CTNNA3: variants seen among roughly 807,000 people sequenced by gnomAD.
CTNNA3 encodes the protein catenin alpha 3.
A neutral mutation model predicts 95.7 loss-of-function variants in CTNNA3; 76 were observed. The ratio of observed to expected loss-of-function variants is 0.79; its 90% CI spans 0.66 to 0.96. The LOEUF is 0.96. Among genes scored for constraint, CTNNA3 ranks in the 40% least tolerant of loss-of-function variants. The pLI is 0.00. For synonymous variants in CTNNA3, 431 were observed against 374.4 expected, an observed-to-expected ratio of 1.15 and a Z score of -1.74; for missense variants, 1,191 against 1,089.8, an observed-to-expected ratio of 1.09 and a Z score of -1.31.
chr10:66,561,970 A>C (rs1017247771), intron 10 of CTNNA3, among the ~76,000 whole-genome samples: 1 of 152,098 alleles, frequency 6.6e-6, no homozygotes, highest in Non-Finnish European at 1.5e-5. Context: ...CGAGTACCAC[A>C]TATGAGATGG....
chr10:66,943,337 T>A (rs767707620), intron 7 of CTNNA3, among the ~76,000 whole-genome samples: 53 of 151,976 alleles, frequency 3.5e-4, no homozygotes, highest in Non-Finnish European at 6.0e-4. Context: ...CTTATTAGAT[T>A]TTTTTTTACA....
intron 11 of CTNNA3, among the ~76,000 whole-genome samples, chr10:66,471,753 T>A (rs1178543546): frequency 6.6e-6 from 1 of 151,860 alleles, no homozygotes; most frequent in African/African-American, 2.4e-5. Flanking sequence ...TAAATTTTGG[T>A]TGTTTTTATT....
At chr10:67,167,896 G>A (rs539496524) in intron 7 of CTNNA3, among the ~76,000 whole-genome samples, 8 of 152,128 alleles carry the variant, frequency 5.3e-5, no homozygotes, top group Non-Finnish European at 1.2e-4. Flanking sequence ...AGTTTGGAAG[G>A]CCAAGGCAGG....
chr10:66,015,789 C>G (rs2079083756), intron 15 of CTNNA3, among the ~76,000 whole-genome samples: 1 of 152,056 alleles, frequency 6.6e-6, no homozygotes, highest in Non-Finnish European at 1.5e-5. Flanking sequence ...GTTCATTCAC[C>G]ATACTTAACA....
At chr10:66,466,337 T>TACACACACACACAC (rs1838911491) in intron 11 of CTNNA3, among the ~76,000 whole-genome samples, 1 of 74,678 alleles carries the variant, frequency 1.3e-5, no homozygotes, top group East Asian at 1.4e-3. Context: ...CGCACCCACC[T>TACACACACACACAC]ATACACACAC....
At chr10:66,233,033 G>T (rs534555148) in intron 13 of CTNNA3, among the ~76,000 whole-genome samples, 1 of 151,700 alleles carries the variant, frequency 6.6e-6, no homozygotes, top group African/African-American at 2.4e-5. Context: ...GGTGGTGTGC[G>T]CCTGTAGTCC....
intron 7 of CTNNA3, among the ~76,000 whole-genome samples, chr10:67,031,026 A>C (rs1206992306): frequency 6.6e-6 from 1 of 152,022 alleles, no homozygotes; most frequent in Non-Finnish European, 1.5e-5. Flanking sequence ...TAAATAAATA[A>C]ATAACTTAGC....
intron 12 of CTNNA3, among the ~76,000 whole-genome samples, chr10:66,330,093 G>A (rs1358504844): frequency 6.6e-6 from 1 of 151,954 alleles, no homozygotes; most frequent in Non-Finnish European, 1.5e-5. Flanking sequence ...TATACTGTAA[G>A]TTTTAGGGTA....
chr10:66,888,398 C>T (rs1458242013), intron 7 of CTNNA3, among the ~76,000 whole-genome samples: 3 of 152,188 alleles, frequency 2.0e-5, no homozygotes, highest in African/African-American at 7.2e-5. Context: ...CCATGCTGAA[C>T]TTCTGACATA....
chr10:66,636,899 T>C (rs1443213969), intron 9 of CTNNA3, among the ~76,000 whole-genome samples: 1 of 152,180 alleles, frequency 6.6e-6, no homozygotes, highest in Non-Finnish European at 1.5e-5. Context: ...TAAATGACAG[T>C]GTATACTATG....
intron 3 of CTNNA3, among the ~76,000 whole-genome samples, chr10:67,601,178 T>C (rs1174740878): frequency 1.3e-5 from 2 of 152,206 alleles, no homozygotes; most frequent in African/African-American, 4.8e-5. Flanking sequence ...ATAAACCATT[T>C]AAAACATTAA....
At chr10:67,164,701 C>CA (rs1231604520) in intron 7 of CTNNA3, among the ~76,000 whole-genome samples, 4 of 151,936 alleles carry the variant, frequency 2.6e-5, no homozygotes, top group Non-Finnish European at 1.5e-5. Context: ...AACTACTATA[C>CA]AAAAAATCCT....
intron 17 of CTNNA3, among the ~76,000 whole-genome samples, chr10:65,963,446 C>G (rs559737444): frequency 6.6e-6 from 1 of 152,156 alleles, no homozygotes; most frequent in African/African-American, 2.4e-5. Flanking sequence ...TACTTATTAA[C>G]CAAGGCCCAA....
intron 5 of CTNNA3, among the ~76,000 whole-genome samples, chr10:67,314,130 C>T (rs1403418081): frequency 6.6e-6 from 1 of 152,152 alleles, no homozygotes; most frequent in East Asian, 1.9e-4. Flanking sequence ...AATCATAGAC[C>T]GTTAGTTCCT....
chr10:66,316,587 C>G (rs2092103680), intron 12 of CTNNA3, among the ~76,000 whole-genome samples: 2 of 151,880 alleles, frequency 1.3e-5, no homozygotes, highest in South Asian at 2.1e-4. Flanking sequence ...TGTAGACAAG[C>G]CAGTTAACCT....
At chr10:66,007,144 A>T (rs1353526500) in intron 15 of CTNNA3, among the ~76,000 whole-genome samples, 1 of 152,184 alleles carries the variant, frequency 6.6e-6, no homozygotes, top group Non-Finnish European at 1.5e-5. Context: ...TGAGTTATGC[A>T]GCTAGTTTTC....
intron 2 of CTNNA3, among the ~76,000 whole-genome samples, chr10:67,646,386 T>G (rs74142870): frequency 6.6e-6 from 1 of 151,918 alleles, no homozygotes; most frequent in East Asian, 1.9e-4. Context: ...TCCACAGTCA[T>G]CTAGTATAAA....
chr10:67,376,336 G>T (rs2132717603), intron 5 of CTNNA3, among the ~76,000 whole-genome samples: 1 of 152,300 alleles, frequency 6.6e-6, no homozygotes. Context: ...AGCTTCCTTA[G>T]ACTTCATAGT....
chr10:66,316,286 T>C lies in CTNNA3; in HGVS notation c.1733-35665A>G, dbSNP rs374414137. Among the ~76,000 whole-genome samples, 62 of 152,250 alleles carry C rather than the reference T, an allele frequency of 4.1e-4. 1 individual carries two copies. The South Asian group carries it at 0.012, about 31-fold the overall frequency. On this transcript the variant is annotated intron_variant, in intron 12 of 17. Transcript: ENST00000433211. ...AAAATTGTAAAGAGCAGCTCTTCTATCATGCAGTTCTAAAACAATCATGAA... is the reference window on the plus strand; with the variant it reads ...AAAATTGTAAAGAGCAGCTCTTCTACCATGCAGTTCTAAAACAATCATGAA...
Sources: gnomAD v4.1 joint callset for allele counts (sites outside exome capture counted in the v4.1 genomes callset) on GRCh38, gnomAD v4.1.1 for gene constraint, MANE v1.5 for transcripts, NCBI Gene and HGNC (gene_info 2026-07-23, HGNC 2026-07-21) for gene names.